The following GABRA3 variants were observed in gnomAD, a reference collection of about 807,000 sequenced individuals.
GABRA3 encodes the protein gamma-aminobutyric acid type A receptor subunit alpha3.
A neutral mutation model predicts 30.1 loss-of-function variants in GABRA3; 10 were observed. The observed-to-expected ratio is 0.33, with a 90% CI of 0.20 to 0.56. The LOEUF (loss-of-function observed/expected upper bound fraction) is 0.56. Among genes scored for constraint, GABRA3 ranks in the 20% least tolerant of loss-of-function variants. The probability of loss-of-function intolerance (pLI) is 0.89; values close to 1 mark genes in which losing one functional copy is unlikely to be tolerated. For missense variants in GABRA3, 233 were observed against 392.0 expected, an observed-to-expected ratio of 0.59 and a Z score of 3.42; for synonymous variants, 151 against 146.8, an observed-to-expected ratio of 1.03 and a Z score of -0.21.
intron 8 of GABRA3, 56 bp from the exon 9 acceptor site, chrX:152,189,997 C>T (rs929662900): frequency 1.3e-5 from 11 of 837,473 alleles, no homozygotes; most frequent in South Asian, 1.1e-4. Context: ...AGAGCTTATT[C>T]GATGAAATCA....
chrX:152,215,995 C>T (rs1442924542), intron 6 of GABRA3, among the ~76,000 whole-genome samples: 5 of 110,825 alleles, frequency 4.5e-5, no homozygotes, highest in African/African-American at 1.6e-4. Flanking sequence ...TGCCCAATAT[C>T]GCTAATCATT....
At chrX:152,247,543 T>C (rs1433849724) in intron 5 of GABRA3, among the ~76,000 whole-genome samples, 1 of 111,809 alleles carries the variant, frequency 8.9e-6, no homozygotes, top group Non-Finnish European at 1.9e-5. Context: ...GTTTGCTCTA[T>C]TGAAACTTCA....
intron 3 of GABRA3, among the ~76,000 whole-genome samples, chrX:152,285,621 A>G (rs1939278817): frequency 9.0e-6 from 1 of 111,453 alleles, no homozygotes; most frequent in African/African-American, 3.3e-5. Flanking sequence ...GGCTGTTACA[A>G]CAAAATACCT....
chrX:152,329,048 C>A (rs1459100505), intron 3 of GABRA3, among the ~76,000 whole-genome samples: 3 of 111,769 alleles, frequency 2.7e-5, no homozygotes, highest in African/African-American at 9.8e-5. Flanking sequence ...CATTCCTATA[C>A]ACCAATAACG....
intron 3 of GABRA3, among the ~76,000 whole-genome samples, chrX:152,325,697 G>A (rs754101554): frequency 3.6e-5 from 4 of 111,889 alleles, no homozygotes; most frequent in African/African-American, 1.3e-4. Flanking sequence ...CCATCTGTAC[G>A]TCACCATCAT....
At chrX:152,256,318 C>A (rs750360822) in intron 4 of GABRA3, among the ~76,000 whole-genome samples, 1 of 111,087 alleles carries the variant, frequency 9.0e-6, no homozygotes, top group Non-Finnish European at 1.9e-5. Flanking sequence ...TGCAGTGACA[C>A]CCAAATAAGA....
chrX:152,395,971 G>T, intron 1 of GABRA3, among the ~76,000 whole-genome samples: 1 of 111,989 alleles, frequency 8.9e-6, no homozygotes, highest in Non-Finnish European at 1.9e-5. Flanking sequence ...GCTATTATGG[G>T]TTGAATTGTG....
chrX:152,411,492 T>C (rs890799427), intron 1 of GABRA3, among the ~76,000 whole-genome samples: 2 of 111,337 alleles, frequency 1.8e-5, no homozygotes, highest in Non-Finnish European at 3.8e-5. Context: ...AAAAAAATAA[T>C]GAAGAAAAAT....
At chrX:152,255,186 A>C (rs2124413650) in intron 5 of GABRA3, among the ~76,000 whole-genome samples, 1 of 111,971 alleles carries the variant, frequency 8.9e-6, no homozygotes, top group South Asian at 3.7e-4. Flanking sequence ...ATAGAGATAT[A>C]ATCTTAAATT....
chrX:152,443,960 G>T (rs1931000844), intron 1 of GABRA3, among the ~76,000 whole-genome samples: 1 of 111,310 alleles, frequency 9.0e-6, no homozygotes, highest in South Asian at 3.7e-4. Context: ...ATCAAAAATA[G>T]TACATATAAG....
At chrX:152,352,459 C>A (rs1329780015) in intron 2 of GABRA3, among the ~76,000 whole-genome samples, 1 of 111,393 alleles carries the variant, frequency 9.0e-6, no homozygotes, top group Non-Finnish European at 1.9e-5. Flanking sequence ...AAGTCAAGAT[C>A]ACTGACCATC....
intron 2 of GABRA3, among the ~76,000 whole-genome samples, chrX:152,363,922 T>C (rs890612269): frequency 4.1e-4 from 46 of 111,489 alleles, no homozygotes; most frequent in African/African-American, 1.5e-3. Context: ...GAAGTTGCCT[T>C]AGAGTCTGGG....
intron 6 of GABRA3, among the ~76,000 whole-genome samples, chrX:152,210,508 A>T (rs1260616886): frequency 1.8e-5 from 2 of 111,992 alleles, no homozygotes; most frequent in Admixed American, 1.9e-4. Context: ...TTATGAGGAA[A>T]GGGAAAGCAT....
rs182843332 is a variant in GABRA3 at position 152,213,231 on chromosome X, C to A, written c.635-5087G>T. Among the ~76,000 whole-genome samples the A allele has an allele frequency of 3.6e-5, 4 of 111,784 alleles. No individual in the cohort carries two copies. In the East Asian group the frequency reaches 1.1e-3, roughly 31 times the overall value. On this transcript the variant is annotated intron_variant, in intron 6 of 9. Coordinates refer to ENST00000370314, the MANE Select transcript of GABRA3 (RefSeq NM_000808.4). ...ATTTCTTTTGAAATATTGTCAGAAA[C>A]CACTTGCTTAATTGATTTAATCAGT... is the stretch of plus-strand genomic sequence containing the variant.
chrX:152,392,330 A>T (rs1444611667), intron 1 of GABRA3: 1 of 384,119 alleles, frequency 2.6e-6, no homozygotes, highest in Admixed American at 2.6e-5. Context: ...CTGACATCCA[A>T]TATATAGGAG....
intron 1 of GABRA3, among the ~76,000 whole-genome samples, chrX:152,391,604 A>C (rs1340149332): frequency 9.0e-6 from 1 of 111,642 alleles, no homozygotes; most frequent in Non-Finnish European, 1.9e-5. Context: ...AAGGTGAGCT[A>C]TCAATTATGA....
chrX:152,253,919 G>A (rs1470694646), intron 5 of GABRA3, among the ~76,000 whole-genome samples: 1 of 111,657 alleles, frequency 9.0e-6, no homozygotes, highest in Non-Finnish European at 1.9e-5. Flanking sequence ...CCTAGCTGTT[G>A]CCTTATCCAG....
intron 1 of GABRA3, among the ~76,000 whole-genome samples, chrX:152,409,910 G>T (rs1930026415): frequency 8.9e-6 from 1 of 112,516 alleles, no homozygotes; most frequent in Non-Finnish European, 1.9e-5. Flanking sequence ...TATCTGCACT[G>T]TTATGTTTAT....
chrX:152,326,819 C>T (rs563822508), intron 3 of GABRA3, among the ~76,000 whole-genome samples: 4 of 111,343 alleles, frequency 3.6e-5, no homozygotes, highest in African/African-American at 1.3e-4. Context: ...AAACAGCTAA[C>T]ATCATAATGA....
Sources: allele counts gnomAD v4.1 joint callset (sites outside exome capture counted in the v4.1 genomes callset), GRCh38; gene constraint gnomAD v4.1.1; transcripts MANE v1.5; gene names NCBI Gene and HGNC (gene_info 2026-07-23, HGNC 2026-07-21).